Variants in NOP9 observed in about 807,000 individuals in gnomAD.
NOP9 encodes the protein nucleolar protein 9.
NOP9 carries 50 observed loss-of-function variants against 63.0 expected under a neutral mutation model. The ratio of observed to expected loss-of-function variants is 0.79; its 90% CI spans 0.63 to 1.00. The LOEUF (loss-of-function observed/expected upper bound fraction) is 1.00. NOP9 is among the 50% of genes least tolerant of loss of function. The pLI is 0.00. For synonymous variants in NOP9, 343 were observed against 332.8 expected, an observed-to-expected ratio of 1.03 and a Z score of -0.33; for missense variants, 758 against 803.0, an observed-to-expected ratio of 0.94 and a Z score of 0.68.
chr14:24,302,975 T>C (rs2041403189), intron 5 of NOP9, 99 bp from the exon 6 acceptor site: 1 of 1,376,074 alleles, frequency 7.3e-7, no homozygotes, highest in African/African-American at 1.5e-5. Context: ...TTTTATGTTT[T>C]ATCTAGCATT....
chr14:24,307,815 C>T lies in NOP9; in HGVS notation c.*2720C>T. 6.3e-7 allele frequency: 1 copy of T among 1,593,790 alleles called. No homozygotes were observed. Among genetic ancestry groups the T allele is most frequent in the Non-Finnish European group, 8.5e-7 (1 of 1,169,676 alleles). ...GAGGGTAGAGCGGAGGGTTAGCAGT[C>T]ACCTGAGTAAGTCACTGGGGTTCAG... On this transcript the variant is annotated 3_prime_UTR_variant, in exon 10 of 10. Transcript: ENST00000267425.
At position 24,302,318 on chromosome 14, in the gene NOP9, G is replaced by A; in HGVS notation, c.1037G>A (p.Ser346Asn). 4 of 1,614,200 alleles carry A rather than the reference G, an allele frequency of 2.5e-6. No individual in the cohort carries two copies. Among genetic ancestry groups the A allele is most frequent in the Non-Finnish European group, 8.5e-7 (1 of 1,180,044 alleles). The change falls in exon 5 of 10, where the codon AGC (serine) becomes AAC (asparagine). Residue 346 changes from serine to asparagine, a missense_variant. Physicochemically the swap from Ser to Asn is conservative, Grantham distance 46. Coordinates refer to ENST00000267425, the MANE Select transcript of NOP9 (RefSeq NM_174913.3). The part of the protein sequence containing the change: ...LLVLEPPRLQ[S>N]LFEEHLQGQL... ...GTGTTGGAGCCCCCAAGACTCCAGA[G>A]CCTCTTTGAGGAGCACTTGCAGGGG... is the stretch of plus-strand genomic sequence containing the variant.
At chr14:24,292,148 C>T in the NOP9 span, 1 of 1,613,680 alleles carries the variant, frequency 6.2e-7, no homozygotes, top group Non-Finnish European at 8.5e-7. Context: ...GGCCGACTCC[C>T]CTGTTCTCTG....
At chr14:24,271,478 C>T in the NOP9 span, 1 of 203,164 alleles carries the variant, frequency 4.9e-6, no homozygotes, top group Non-Finnish European at 9.8e-6. Flanking sequence ...CCCCCGCGGG[C>T]GGACCCACCT....
At position 24,303,884 on chromosome 14, in the gene NOP9, T is replaced by C. The variant is rs753540441; in HGVS notation, c.1410+27T>C. The C allele has an allele frequency of 3.1e-6, 5 of 1,610,992 alleles. No homozygotes were observed. In the East Asian group the frequency reaches 8.9e-5, roughly 29 times the overall value. On this transcript the variant is annotated intron_variant, in intron 7 of 9. Transcript: ENST00000267425. ...TGAGGTAGGGGAGAGGCCAAGCCAG[T>C]GACTAATTGGGAGTCAGGCCTCCCA...
At position 24,307,637 on chromosome 14, in the gene NOP9, A is replaced by T; in HGVS notation, c.*2542A>T. ...AGAGATCTAGGTTTATCGATTAGGG[A>T]TGAGGGAGAGACCATGGAGTGCAGG... On this transcript the variant is annotated 3_prime_UTR_variant, in exon 10 of 10. Transcript: ENST00000267425. 4.1e-6 allele frequency: 4 copies of T among 970,718 alleles called. No homozygotes were observed. Among genetic ancestry groups the T allele is most frequent in the Middle Eastern group, 2.2e-4 (1 of 4,472 alleles). 60.1% of individuals were successfully genotyped at this position (970,718 alleles called of 1,614,324 possible).
At position 24,308,282 on chromosome 14, in the gene NOP9, C is replaced by A; in HGVS notation, c.*3187C>A. The A allele has an allele frequency of 4.2e-6, 1 of 239,546 alleles. No individual in the cohort carries two copies. The highest frequency in any genetic ancestry group is 8.4e-6 in the Non-Finnish European group (1 of 118,936). The allele number at this position is 239,546 out of a possible 1,614,324, so 14.8% of individuals were successfully genotyped here. ...GTGGCTCTGTGTGTGCTGCCACCTACTGGAGAAGCCATAAGCTGCAGCTTT... is the reference window on the plus strand; with the variant it reads ...GTGGCTCTGTGTGTGCTGCCACCTAATGGAGAAGCCATAAGCTGCAGCTTT... On this transcript the variant is annotated 3_prime_UTR_variant, in exon 10 of 10. Coordinates refer to ENST00000267425, the MANE Select transcript of NOP9 (RefSeq NM_174913.3).
chr14:24,298,733 C>T (rs191294922), upstream of NOP9: 193 of 522,800 alleles, frequency 3.7e-4, no homozygotes, highest in African/African-American at 3.6e-3. Context: ...GAACGTGCCA[C>T]CATGCCTGGC....
At chr14:24,284,816 C>G in the NOP9 span, among the ~76,000 whole-genome samples, 1 of 152,208 alleles carries the variant, frequency 6.6e-6, no homozygotes, top group African/African-American at 2.4e-5. Context: ...TGGGCCCAGC[C>G]GCCTGCCTGG....
At position 24,302,302 on chromosome 14, in the gene NOP9, C is replaced by A; in HGVS notation, c.1021C>A (p.Pro341Thr). Residue 341 changes from proline to threonine, a missense_variant, in exon 5 of 10, where the codon CCC becomes ACC. Physicochemically the swap from Pro to Thr is conservative, Grantham distance 38. Transcript: ENST00000267425. The part of the protein sequence containing the change: ...LLEQVLLVLE[P>T]PRLQSLFEEH... ...GGAGCAGGTCCTGCTGGTGTTGGAGCCCCCAAGACTCCAGAGCCTCTTTGA... is the reference window on the plus strand; with the variant it reads ...GGAGCAGGTCCTGCTGGTGTTGGAGACCCCAAGACTCCAGAGCCTCTTTGA... 1.9e-6 allele frequency: 3 copies of A among 1,614,096 alleles called. No homozygotes were observed. The highest frequency in any genetic ancestry group is 1.1e-5 in the South Asian group (1 of 91,078).
the NOP9 span, among the ~76,000 whole-genome samples, chr14:24,287,845 C>T: frequency 6.6e-6 from 1 of 152,336 alleles, no homozygotes; most frequent in African/African-American, 2.4e-5. Flanking sequence ...CCAAATTCAA[C>T]TAGTCTTCCC....
At chr14:24,289,617 A>C in the NOP9 span, among the ~76,000 whole-genome samples, 1 of 152,212 alleles carries the variant, frequency 6.6e-6, no homozygotes, top group African/African-American at 2.4e-5. Context: ...TGCCACAGCA[A>C]ATGGTGGCAT....
the NOP9 span, chr14:24,291,675 C>T: frequency 6.4e-7 from 1 of 1,550,406 alleles, no homozygotes; most frequent in Non-Finnish European, 8.9e-7. Flanking sequence ...AGAGCACTGC[C>T]CAGGTCTCCT....
the NOP9 span, chr14:24,290,667 A>C: frequency 6.7e-6 from 4 of 594,294 alleles, no homozygotes; most frequent in African/African-American, 3.7e-5. Context: ...AGTAAAAAGA[A>C]GGACAAGGAA....
At chr14:24,290,362 G>A in the NOP9 span, among the ~76,000 whole-genome samples, 1 of 152,240 alleles carries the variant, frequency 6.6e-6, no homozygotes. Flanking sequence ...ATGGTGGAAT[G>A]GGGGTGGAAA....
chr14:24,304,563 C>A lies in NOP9; in HGVS notation c.1718C>A (p.Ala573Asp). The change falls in exon 9 of 10, where the codon GCC becomes GAC. Residue 573 changes from alanine (A) to aspartate (D), a missense_variant. Physicochemically the swap from Ala to Asp is moderately radical, Grantham distance 126 (BLOSUM62 -2). Coordinates refer to ENST00000267425, the MANE Select transcript of NOP9 (RefSeq NM_174913.3). ...RVLDAIWSGA[A>D]LRARKEIAAE... ...CTAGATGCCATCTGGAGTGGAGCAG[C>A]CTTGAGGGCCCGGAAGGAAATTGCT... The A allele has an allele frequency of 6.2e-7, 1 of 1,613,256 alleles. No homozygotes were observed. Among genetic ancestry groups the A allele is most frequent in the Non-Finnish European group, 8.5e-7 (1 of 1,179,746 alleles).
rs775945837 is a variant in NOP9, at chr14:24,303,815, T to C, written c.1368T>C (p.Tyr456=). 1 of 1,614,200 alleles carries C rather than the reference T, an allele frequency of 6.2e-7. No individual in the cohort carries two copies. The highest frequency in any genetic ancestry group is 1.3e-5 in the African/African-American group (1 of 75,060). The change falls in exon 7 of 10, where the codon TAT becomes TAC. Residue 456 remains tyrosine (Y), a synonymous_variant. Transcript: ENST00000267425. ...CTTTGATGGCTTATGAGGTGTACTA[T>C]GGACTGACGGAGGAGGAGGGGGCAG... is the stretch of plus-strand genomic sequence containing the variant. ...FATLMAYEVY[Y]GLTEEEGAVP... is the part of the protein sequence containing the mutation.
At chr14:24,280,889 C>T in the NOP9 span, among the ~76,000 whole-genome samples, 1 of 152,180 alleles carries the variant, frequency 6.6e-6, no homozygotes, top group Non-Finnish European at 1.5e-5. Context: ...GAGCCCAGGG[C>T]AGGGAGCTTG....
At chr14:24,276,317 C>T in the NOP9 span, among the ~76,000 whole-genome samples, 1 of 146,922 alleles carries the variant, frequency 6.8e-6, no homozygotes, top group Non-Finnish European at 1.5e-5. Context: ...GTGGAGGTTG[C>T]AGTGAGCTGA....
Sources: gnomAD v4.1 joint callset for allele counts (sites outside exome capture counted in the v4.1 genomes callset) on GRCh38, gnomAD v4.1.1 for gene constraint, MANE v1.5 for transcripts, NCBI Gene and HGNC (gene_info 2026-07-23, HGNC 2026-07-21) for gene names.